Variants in NEK10 observed in about 807,000 individuals in gnomAD.
NEK10 encodes the protein serine/threonine-protein kinase Nek10.
Under a neutral mutation model 159.8 loss-of-function variants are expected in NEK10, and 122 were observed. The observed-to-expected ratio is 0.76, with a 90% CI of 0.66 to 0.89. NEK10 has a LOEUF of 0.89. Ranked by LOEUF, NEK10 falls within the 40% of genes least tolerant of loss-of-function variation. NEK10 has a pLI of 0.00. For missense variants in NEK10, 1,342 were observed against 1,323.1 expected, an observed-to-expected ratio of 1.01 and a Z score of -0.22; for synonymous variants, 466 against 457.1, an observed-to-expected ratio of 1.02 and a Z score of -0.25.
At chr3:27,269,019 G>A (rs1383714156) in intron 22 of NEK10, among the ~76,000 whole-genome samples, 1 of 152,238 alleles carries the variant, frequency 6.6e-6, no homozygotes, top group Non-Finnish European at 1.5e-5. Flanking sequence ...CACTGCAGAT[G>A]TGGTGGAAAT....
intron 12 of NEK10, among the ~76,000 whole-genome samples, chr3:27,302,970 A>G (rs1179300190): frequency 6.6e-6 from 1 of 152,176 alleles, no homozygotes. Context: ...GTGTCCCAGA[A>G]ACTGCCCTGA....
At chr3:27,237,225 C>A (rs1426268209) in intron 23 of NEK10, among the ~76,000 whole-genome samples, 1 of 150,760 alleles carries the variant, frequency 6.6e-6, no homozygotes, top group African/African-American at 2.5e-5. Flanking sequence ...GTATTCATTT[C>A]CAAGGTGCAC....
chr3:27,278,900 A>G (rs2041954420), intron 22 of NEK10: 1 of 984,770 alleles, frequency 1.0e-6, no homozygotes, highest in African/African-American at 1.7e-5. Context: ...ACTGTGTCTC[A>G]CCCCATGTAC....
intron 23 of NEK10, among the ~76,000 whole-genome samples, chr3:27,217,272 G>A (rs1033439783): frequency 1.3e-5 from 2 of 152,012 alleles, no homozygotes; most frequent in Non-Finnish European, 2.9e-5. Flanking sequence ...GTCCACTCTC[G>A]CATTGCTATA....
chr3:27,198,447 T>G (rs1410952140), intron 25 of NEK10, among the ~76,000 whole-genome samples: 1 of 151,096 alleles, frequency 6.6e-6, no homozygotes, highest in African/African-American at 2.4e-5. Flanking sequence ...CATAGACCAA[T>G]GGAACAGAAA....
At chr3:27,163,815 T>C (rs893956306) in intron 29 of NEK10, among the ~76,000 whole-genome samples, 11 of 152,210 alleles carry the variant, frequency 7.2e-5, no homozygotes, top group Admixed American at 6.5e-5. Context: ...GGAATAAATA[T>C]AGGAATTCAA....
chr3:27,185,220 T>C (rs1559569707), intron 26 of NEK10, among the ~76,000 whole-genome samples: 1 of 152,222 alleles, frequency 6.6e-6, no homozygotes, highest in African/African-American at 2.4e-5. Context: ...ATGACACTTA[T>C]GTATGCCATA....
At chr3:27,312,718 AG>A (rs1340081605) in intron 7 of NEK10, among the ~76,000 whole-genome samples, 1 of 152,182 alleles carries the variant, frequency 6.6e-6, no homozygotes, top group Non-Finnish European at 1.5e-5. Flanking sequence ...TCAGGGAAAC[AG>A]GTAATTTCTA....
chr3:27,172,000 C>A, intron 28 of NEK10, 127 bp from the exon 29 acceptor site: 1 of 1,011,204 alleles, frequency 9.9e-7, no homozygotes, highest in Non-Finnish European at 1.4e-6. Context: ...AACTCATACA[C>A]TGTTGGTGGG....
chr3:27,290,352 A>C (rs2042909601), intron 19 of NEK10, among the ~76,000 whole-genome samples: 2 of 150,924 alleles, frequency 1.3e-5, no homozygotes, highest in African/African-American at 2.4e-5. Context: ...CACAATGAAA[A>C]GAAAAGGATT....
chr3:27,276,933 G>A (rs1268011354), intron 22 of NEK10, among the ~76,000 whole-genome samples: 1 of 152,134 alleles, frequency 6.6e-6, no homozygotes, highest in African/African-American at 2.4e-5. Flanking sequence ...AACTATAGAG[G>A]CTGGAAGCTC....
At chr3:27,146,223 TTTGACAC>T (rs1178166476) in intron 30 of NEK10, among the ~76,000 whole-genome samples, 3 of 152,204 alleles carry the variant, frequency 2.0e-5, no homozygotes, top group Non-Finnish European at 4.4e-5. Context: ...TCCCTGGTGC[TTTGACAC>T]TTGACACTTG....
intron 24 of NEK10, 131 bp from the exon 25 acceptor site, chr3:27,201,711 T>C: frequency 1.5e-6 from 1 of 646,464 alleles, no homozygotes; most frequent in Non-Finnish European, 2.8e-6. Flanking sequence ...TAGTCAGAAA[T>C]CCCGACCAAA....
At chr3:27,123,128 G>T (rs1279375501) in intron 32 of NEK10, among the ~76,000 whole-genome samples, 1 of 152,158 alleles carries the variant, frequency 6.6e-6, no homozygotes, top group Non-Finnish European at 1.5e-5. Flanking sequence ...CATGGTTTAT[G>T]ATCTGAGCAG....
intron 22 of NEK10, among the ~76,000 whole-genome samples, chr3:27,284,290 T>C (rs1045612313): frequency 6.6e-6 from 1 of 152,004 alleles, no homozygotes; most frequent in Non-Finnish European, 1.5e-5. Context: ...GATGCTGAGG[T>C]GCAAGAATCA....
rs778479481 is a variant in NEK10 at position 27,352,555 on chromosome 3, C to T, written c.72-30G>A. 8 of 1,513,714 alleles carry T rather than the reference C, an allele frequency of 5.3e-6. No individual in the cohort carries two copies. The East Asian group carries it at 1.8e-4, about 34-fold the overall frequency. The allele number at this position is 1,513,714 out of a possible 1,614,324, so 93.8% of individuals were successfully genotyped here. The stretch of plus-strand genomic sequence containing the variant: ...GAGAGAGAATAACACAATGTGAACC[C>T]ACAGAAGGCTCCAGGTGAACAAGAT... On this transcript the variant is annotated intron_variant, in intron 2 of 35. Coordinates refer to ENST00000691995, the MANE Select transcript of NEK10 (RefSeq NM_001394966.1).
chr3:27,195,662 A>C (rs1467574076), intron 25 of NEK10, among the ~76,000 whole-genome samples: 1 of 152,222 alleles, frequency 6.6e-6, no homozygotes, highest in Non-Finnish European at 1.5e-5. Context: ...GCCTTCACAG[A>C]TACTGGTCTG....
chr3:27,132,257 A>G (rs1942711363), intron 31 of NEK10, among the ~76,000 whole-genome samples: 1 of 152,216 alleles, frequency 6.6e-6, no homozygotes, highest in Admixed American at 6.5e-5. Context: ...CATTTAACAA[A>G]TTATTCATTA....
intron 1 of NEK10, among the ~76,000 whole-genome samples, chr3:27,358,242 A>C (rs2048451170): frequency 6.6e-6 from 1 of 152,198 alleles, no homozygotes; most frequent in South Asian, 2.1e-4. Flanking sequence ...TATATATAAA[A>C]ACCAAAGGCA....
Sources: gnomAD v4.1 joint callset for allele counts (sites outside exome capture counted in the v4.1 genomes callset) on GRCh38, gnomAD v4.1.1 for gene constraint, MANE v1.5 for transcripts, NCBI Gene and HGNC (gene_info 2026-07-23, HGNC 2026-07-21) for gene names.